ZNF486: variants seen among roughly 807,000 people sequenced by gnomAD.
ZNF486 encodes the protein zinc finger protein 486.
In ZNF486, 12 loss-of-function variants were observed where a neutral mutation model predicts 12.8. That is an observed-to-expected ratio of 0.94 (90% confidence interval 0.60 to 1.52). ZNF486 has a LOEUF of 1.52. Among genes scored for constraint, ZNF486 ranks in the 40% most tolerant of loss-of-function variants. ZNF486 has a pLI of 0.00. For missense variants in ZNF486, 738 were observed against 545.0 expected (o/e 1.35, Z -3.53); for synonymous variants, 231 against 184.9 (o/e 1.25, Z -2.02).
chr19:20,179,504 T>G (rs2089761232), intron 1 of ZNF486, among the ~76,000 whole-genome samples: 1 of 152,168 alleles, frequency 6.6e-6, no homozygotes, highest in Admixed American at 6.5e-5. Context: ...GTAGACTTAT[T>G]ATTTAGAATG....
At chr19:20,170,156 C>G (rs546911798) in intron 1 of ZNF486, among the ~76,000 whole-genome samples, 1 of 151,916 alleles carries the variant, frequency 6.6e-6, no homozygotes, top group Non-Finnish European at 1.5e-5. Flanking sequence ...CTCGGCCTCC[C>G]GAAGTGCTGG....
At chr19:20,178,280 C>T (rs1181839464) in intron 1 of ZNF486, among the ~76,000 whole-genome samples, 1 of 151,678 alleles carries the variant, frequency 6.6e-6, no homozygotes, top group African/African-American at 2.4e-5. Context: ...CTCACTCTGT[C>T]ACCCAGGCTG....
chr19:20,196,099 T>C (rs1244961786), intron 3 of ZNF486, among the ~76,000 whole-genome samples: 1 of 152,192 alleles, frequency 6.6e-6, no homozygotes. Flanking sequence ...GCTCACTACA[T>C]TCTCTGCCTC....
intron 3 of ZNF486, chr19:20,188,459 G>C (rs573442111): frequency 4.0e-4 from 160 of 398,492 alleles, no homozygotes; most frequent in African/African-American, 3.1e-3. Flanking sequence ...CAACACAGGA[G>C]GATCCCTGGA....
chr19:20,191,054 T>C (rs1568325323), intron 3 of ZNF486, among the ~76,000 whole-genome samples: 1 of 152,310 alleles, frequency 6.6e-6, no homozygotes, highest in East Asian at 1.9e-4. Context: ...ATATAGTATG[T>C]CCAATTACTC....
rs2089821899 is a variant in ZNF486 at position 20,184,575 on chromosome 19, A to G, written c.157+93A>G. 2.2e-6 allele frequency: 3 copies of G among 1,359,028 alleles called. No homozygotes were observed. The South Asian group carries it at 4.9e-5, about 22-fold the overall frequency. 84.2% of individuals were successfully genotyped at this position (1,359,028 alleles called of 1,614,324 possible). ...GATTTTAGTAATTTATCCTTTGCATAAAAGAGTTCCAGATGTCCTTTTTCC... is the reference window on the plus strand; with the variant it reads ...GATTTTAGTAATTTATCCTTTGCATGAAAGAGTTCCAGATGTCCTTTTTCC... On this transcript the variant is annotated intron_variant, in intron 2 of 3. Coordinates refer to ENST00000335117, the MANE Select transcript of ZNF486 (RefSeq NM_052852.4).
At chr19:20,183,058 TTA>T (rs2122653509) in intron 1 of ZNF486, among the ~76,000 whole-genome samples, 1 of 152,332 alleles carries the variant, frequency 6.6e-6, no homozygotes, top group Non-Finnish European at 1.5e-5. Context: ...CTTAAAATTC[TTA>T]TGATAGTCAA....
intron 1 of ZNF486, among the ~76,000 whole-genome samples, chr19:20,173,931 GTAAAT>G (rs1200199400): frequency 6.0e-5 from 9 of 150,094 alleles, no homozygotes; most frequent in African/African-American, 1.0e-4. Flanking sequence ...AAAAATATAT[GTAAAT>G]TATATTAACA....
At chr19:20,187,507 T>G (rs543929316) in intron 3 of ZNF486, among the ~76,000 whole-genome samples, 237 of 147,880 alleles carry the variant, frequency 1.6e-3, no homozygotes, top group African/African-American at 5.5e-3. Flanking sequence ...CAAGTTTTTT[T>G]TTTTTTTTTT....
At chr19:20,180,431 G>A (rs1599704304) in intron 1 of ZNF486, among the ~76,000 whole-genome samples, 2 of 152,068 alleles carry the variant, frequency 1.3e-5, no homozygotes, top group African/African-American at 4.8e-5. Context: ...ACCAGCAACT[G>A]GATAAATAAT....
intron 1 of ZNF486, among the ~76,000 whole-genome samples, chr19:20,181,225 C>A (rs899711080): frequency 4.6e-5 from 7 of 152,138 alleles, no homozygotes; most frequent in African/African-American, 1.4e-4. Context: ...TCACAATTCC[C>A]TGAATCCCAA....
rs532476856 is a variant in ZNF486 at position 20,198,126 on chromosome 19, A to T, written c.*24A>T. On this transcript the variant is annotated 3_prime_UTR_variant, in exon 4 of 4. Coordinates refer to ENST00000335117, the MANE Select transcript of ZNF486 (RefSeq NM_052852.4). ...GACAAAGGATTATTTTATTATTATTATTTTTTTGAGAGGTAATTCTGCTGT... is the reference window on the plus strand; with the variant it reads ...GACAAAGGATTATTTTATTATTATTTTTTTTTTGAGAGGTAATTCTGCTGT... 1,944 of 1,514,574 alleles carry T rather than the reference A, an allele frequency of 1.3e-3. 4 individuals carry two copies. The highest frequency in any genetic ancestry group is 1.5e-3 in the Non-Finnish European group (1,713 of 1,131,690). The allele number at this position is 1,514,574 out of a possible 1,614,324, so 93.8% of individuals were successfully genotyped here.
At chr19:20,195,554 A>G (rs995793738) in intron 3 of ZNF486, among the ~76,000 whole-genome samples, 3 of 152,158 alleles carry the variant, frequency 2.0e-5, no homozygotes, top group Non-Finnish European at 4.4e-5. Context: ...TGATGGGGCC[A>G]TGTTCTAATA....
At chr19:20,176,476 C>T (rs1034614877) in intron 1 of ZNF486, 36 of 210,756 alleles carry the variant, frequency 1.7e-4, no homozygotes, top group Non-Finnish European at 3.4e-4. Context: ...AGGCAGGCGG[C>T]TGGGAGGTGG....
In ZNF486 at chr19:20,198,863, T is replaced by C. The variant is rs1409569641; in HGVS notation, c.*761T>C. On this transcript the variant is annotated 3_prime_UTR_variant, in exon 4 of 4. Coordinates refer to ENST00000335117, the MANE Select transcript of ZNF486 (RefSeq NM_052852.4). ...TAAGAGACATGGCGATAATTCATGGTGAAGAGGAACTTTACAAACCTGAAA... is the reference window on the plus strand; with the variant it reads ...TAAGAGACATGGCGATAATTCATGGCGAAGAGGAACTTTACAAACCTGAAA... 1 of 152,418 alleles carries C rather than the reference T, an allele frequency of 6.6e-6. No homozygotes were observed. The highest frequency in any genetic ancestry group is 6.5e-5 in the Admixed American group (1 of 15,272). The allele number at this position is 152,418 out of a possible 1,614,324, so 9.4% of individuals were successfully genotyped here. A position where few individuals can be genotyped will look rare whatever the true frequency, so the allele number is the denominator to read the frequency against.
intron 3 of ZNF486, among the ~76,000 whole-genome samples, chr19:20,190,209 G>T (rs115165141): frequency 1.7e-3 from 252 of 152,188 alleles, no homozygotes; most frequent in African/African-American, 5.9e-3. Flanking sequence ...TTTAACTGTA[G>T]GTTGTATTGA....
At chr19:20,172,776 A>G (rs562970536) in intron 1 of ZNF486, among the ~76,000 whole-genome samples, 5 of 148,494 alleles carry the variant, frequency 3.4e-5, no homozygotes, top group African/African-American at 1.0e-4. Flanking sequence ...AGTAGCTGGG[A>G]TTACAGACAT....
rs533749751 is a variant in ZNF486 at position 20,189,677 on chromosome 19, T to C, written c.253+3595T>C. On this transcript the variant is annotated intron_variant, in intron 3 of 3. Transcript: ENST00000335117. ...TTTTGTTCATTTTTAAATCAAGTTA[T>C]TGAACTTTATTGATTAGTTTTAAGA... Among the ~76,000 whole-genome samples the C allele has an allele frequency of 6.6e-5, 10 of 152,370 alleles. No individual in the cohort carries two copies. The East Asian group carries it at 1.5e-3, about 23-fold the overall frequency.
At chr19:20,193,737 A>C (rs568869368) in intron 3 of ZNF486, among the ~76,000 whole-genome samples, 2 of 152,224 alleles carry the variant, frequency 1.3e-5, no homozygotes, top group African/African-American at 4.8e-5. Flanking sequence ...GCAATAGAAA[A>C]ACTTACTGTT....
Sources: gnomAD v4.1 joint callset for allele counts (sites outside exome capture counted in the v4.1 genomes callset) on GRCh38, gnomAD v4.1.1 for gene constraint, MANE v1.5 for transcripts, NCBI Gene and HGNC (gene_info 2026-07-23, HGNC 2026-07-21) for gene names.